The following PARP4 variants were observed in gnomAD, a reference collection of about 807,000 sequenced individuals.
PARP4 encodes protein mono-ADP-ribosyltransferase PARP4.
PARP4 carries 120 observed loss-of-function variants against 187.7 expected under a neutral mutation model. The observed-to-expected ratio is 0.64, with a 90% confidence interval of 0.55 to 0.74. The LOEUF is 0.74. PARP4 is among the 30% of genes least tolerant of loss of function. The pLI, the probability that PARP4 is intolerant of heterozygous loss-of-function variation, is 0.00. For synonymous variants in PARP4, 654 were observed against 740.9 expected (o/e 0.88, Z 1.90); for missense variants, 1,836 against 2,070.5 (o/e 0.89, Z 2.20).
At chr13:24,507,646 C>T (rs1869783013) in intron 1 of PARP4, among the ~76,000 whole-genome samples, 1 of 152,260 alleles carries the variant, frequency 6.6e-6, no homozygotes, top group Non-Finnish European at 1.5e-5. Context: ...TCCTGACTGG[C>T]TCCCACTCCT....
chr13:24,448,658 C>T (rs559336805), intron 25 of PARP4, among the ~76,000 whole-genome samples: 1 of 152,344 alleles, frequency 6.6e-6, no homozygotes, highest in Admixed American at 6.5e-5. Flanking sequence ...CAAACAGACA[C>T]TTGTATACCA....
chr13:24,495,755 G>T (rs545526912), intron 6 of PARP4, among the ~76,000 whole-genome samples: 1 of 152,198 alleles, frequency 6.6e-6, no homozygotes, highest in South Asian at 2.1e-4. Context: ...TAGGGGGGCC[G>T]CAGGATGCCT....
intron 12 of PARP4, among the ~76,000 whole-genome samples, chr13:24,480,022 C>T (rs1443172476): frequency 1.3e-5 from 2 of 152,078 alleles, no homozygotes; most frequent in Non-Finnish European, 2.9e-5. Flanking sequence ...CCTGAGCCAG[C>T]GAGACCACGA....
intron 12 of PARP4, among the ~76,000 whole-genome samples, chr13:24,482,582 T>G (rs139997645): frequency 6.6e-6 from 1 of 152,150 alleles, no homozygotes; most frequent in Non-Finnish European, 1.5e-5. Context: ...AAAAAGACAA[T>G]GGCTCACTGA....
chr13:24,442,210 G>A (rs1191652239), intron 29 of PARP4, among the ~76,000 whole-genome samples: 5 of 150,120 alleles, frequency 3.3e-5, no homozygotes, highest in Admixed American at 2.0e-4. Context: ...TTAAACTTAT[G>A]AAGGGGAAGG....
At chr13:24,487,316 T>A (rs1311558911) in intron 10 of PARP4, among the ~76,000 whole-genome samples, 1 of 150,022 alleles carries the variant, frequency 6.7e-6, no homozygotes, top group Non-Finnish European at 1.5e-5. Context: ...ACCAAGCAGG[T>A]TTGGAGAGAG....
chr13:24,453,687 C>T, intron 22 of PARP4, 33 bp from the exon 23 acceptor site: 1 of 1,237,662 alleles, frequency 8.1e-7, no homozygotes, highest in South Asian at 1.2e-5. Flanking sequence ...GGTGCTGCTT[C>T]CACACGTTCA....
In PARP4 at chr13:24,431,455, G is replaced by A; in HGVS notation, c.4768C>T (p.Pro1590Ser). 1 of 1,589,734 alleles carries A rather than the reference G, an allele frequency of 6.3e-7. No individual in the cohort carries two copies. The highest frequency in any genetic ancestry group is 1.2e-5 in the South Asian group (1 of 85,772). Residue 1590 changes from proline (P) to serine (S), a missense_variant, in exon 32 of 34, where the codon CCA (proline) becomes TCA (serine). Pro to Ser is a moderately conservative substitution (Grantham distance 74). Coordinates refer to ENST00000381989, the MANE Select transcript of PARP4 (RefSeq NM_006437.4). ...AGATTTAATATAAGTCCCAGTTCTG[G>A]TGTAAGTTTCCAGAAGCCATCCTAC... ...QTEDGFWKLT[P>S]ELGLILNLNT...
At chr13:24,425,573 ATC>A in intron 33 of PARP4, among the ~76,000 whole-genome samples, 1 of 103,068 alleles carries the variant, frequency 9.7e-6, no homozygotes, top group African/African-American at 4.6e-5. Context: ...GTGTGTGTAT[ATC>A]TATATCTATA....
chr13:24,436,594 C>A (rs973905994), intron 30 of PARP4, among the ~76,000 whole-genome samples: 6 of 152,312 alleles, frequency 3.9e-5, no homozygotes, highest in African/African-American at 1.4e-4. Flanking sequence ...AGGTGTGAGA[C>A]ACTGTGTCCA....
intron 32 of PARP4, among the ~76,000 whole-genome samples, chr13:24,427,238 T>C (rs1189250024): frequency 6.6e-6 from 1 of 152,228 alleles, no homozygotes; most frequent in African/African-American, 2.4e-5. Flanking sequence ...TGTATCAAAT[T>C]ATTTCTAGTG....
chr13:24,470,477 A>C (rs1335657816), intron 15 of PARP4, among the ~76,000 whole-genome samples: 1 of 151,974 alleles, frequency 6.6e-6, no homozygotes, highest in Non-Finnish European at 1.5e-5. Flanking sequence ...CACAGCCCTC[A>C]TCTAGCTCCT....
chr13:24,468,999 A>G, intron 17 of PARP4, 25 bp downstream of exon 17: 10 of 1,484,194 alleles, frequency 6.7e-6, no homozygotes, highest in Non-Finnish European at 9.4e-6. Context: ...TCCTGTATGC[A>G]TGCGGCATGC....
At chr13:24,506,269 G>C (rs367636574) in intron 1 of PARP4, among the ~76,000 whole-genome samples, 3 of 152,290 alleles carry the variant, frequency 2.0e-5, no homozygotes, top group African/African-American at 7.2e-5. Flanking sequence ...CGGTGGGTTC[G>C]TGGTGTCGCT....
At chr13:24,511,672 T>G (rs1039748786) in intron 1 of PARP4, among the ~76,000 whole-genome samples, 8 of 152,234 alleles carry the variant, frequency 5.3e-5, no homozygotes, top group African/African-American at 1.7e-4. Flanking sequence ...CTGGGCAGTC[T>G]TGATTCTACA....
chr13:24,505,958 G>A (rs9578757), intron 1 of PARP4, among the ~76,000 whole-genome samples: 2,364 of 152,324 alleles, frequency 0.016, 73 homozygotes, highest in African/African-American at 0.053. Flanking sequence ...GCCCTGCACC[G>A]CGATTGGGCT....
At chr13:24,486,018 A>G (rs1176055250) in intron 11 of PARP4, 150 bp downstream of exon 11, 1 of 636,046 alleles carries the variant, frequency 1.6e-6, no homozygotes, top group Non-Finnish European at 2.7e-6. Flanking sequence ...ACTTAATTAT[A>G]AAGTGTGTAA....
chr13:24,492,769 G>A lies in PARP4; in HGVS notation c.880-175C>T, dbSNP rs752251704. ...GGAGACGTATCTCAGTTGTGGCAAAGATGCCATGAGGATTGTTGCAAAACT... is the reference window on the plus strand; with the variant it reads ...GGAGACGTATCTCAGTTGTGGCAAAAATGCCATGAGGATTGTTGCAAAACT... On this transcript the variant is annotated intron_variant, in intron 8 of 33. Coordinates refer to ENST00000381989, the MANE Select transcript of PARP4 (RefSeq NM_006437.4). Among the ~76,000 whole-genome samples the A allele has an allele frequency of 3.3e-5, 5 of 152,220 alleles. No homozygotes were observed. In the East Asian group the frequency reaches 9.6e-4, roughly 29 times the overall value.
intron 27 of PARP4, among the ~76,000 whole-genome samples, chr13:24,446,164 G>C (rs967889350): frequency 2.6e-5 from 4 of 152,134 alleles, no homozygotes; most frequent in African/African-American, 7.2e-5. Context: ...CCTTTATTGA[G>C]TTATGAACAT....
Sources: gnomAD v4.1 joint callset for allele counts (sites outside exome capture counted in the v4.1 genomes callset) on GRCh38, gnomAD v4.1.1 for gene constraint, MANE v1.5 for transcripts, NCBI Gene and HGNC (gene_info 2026-07-23, HGNC 2026-07-21) for gene names.